The following NEGR1 variants were observed in gnomAD, a reference collection of about 807,000 sequenced individuals.
NEGR1 encodes the protein neuronal growth regulator 1.
In NEGR1, 10 loss-of-function variants were observed where a neutral mutation model predicts 40.9. The observed-to-expected ratio is 0.24, with a 90% CI of 0.15 to 0.42. The LOEUF is 0.42. Ranked by LOEUF, NEGR1 falls within the 10% of genes least tolerant of loss-of-function variation. NEGR1 has a pLI of 1.00. For missense variants in NEGR1, 352 were observed against 438.9 expected, an observed-to-expected ratio of 0.80 and a Z score of 1.77; for synonymous variants, 185 against 166.8, an observed-to-expected ratio of 1.11 and a Z score of -0.84.
intron 1 of NEGR1, among the ~76,000 whole-genome samples, chr1:72,108,235 A>AT (rs1366622369): frequency 6.6e-6 from 1 of 151,624 alleles, no homozygotes; most frequent in African/African-American, 2.4e-5. Context: ...AGATTTTCTG[A>AT]TTTTTACCAC....
intron 2 of NEGR1, among the ~76,000 whole-genome samples, chr1:71,870,138 C>T (rs2101832157): frequency 6.6e-6 from 1 of 152,102 alleles, no homozygotes; most frequent in South Asian, 2.1e-4. Context: ...CCTCGGTCTC[C>T]CAAAGTGCTA....
chr1:72,201,397 CAG>C (rs564107395), intron 1 of NEGR1, among the ~76,000 whole-genome samples: 30 of 151,440 alleles, frequency 2.0e-4, no homozygotes, highest in Middle Eastern at 3.4e-3. Flanking sequence ...TTATTTGTCT[CAG>C]AGTTTCTGAG....
intron 1 of NEGR1, among the ~76,000 whole-genome samples, chr1:72,050,075 G>A (rs1267585953): frequency 4.6e-5 from 7 of 151,442 alleles, no homozygotes; most frequent in Non-Finnish European, 8.9e-5. Context: ...GTTTGATTCT[G>A]TTAAAGTCCA....
intron 1 of NEGR1, among the ~76,000 whole-genome samples, chr1:71,937,635 A>G (rs1043330648): frequency 3.9e-5 from 6 of 152,222 alleles, no homozygotes; most frequent in African/African-American, 1.4e-4. Context: ...CTCTTTCCAC[A>G]TTCAACATCC....
intron 6 of NEGR1, among the ~76,000 whole-genome samples, chr1:71,474,291 G>A (rs910803809): frequency 1.3e-5 from 2 of 151,274 alleles, no homozygotes; most frequent in Non-Finnish European, 2.9e-5. Flanking sequence ...ATGTGTGTGT[G>A]TGTGTGTGTG....
At chr1:71,450,623 A>T (rs1178583398) in intron 6 of NEGR1, among the ~76,000 whole-genome samples, 1 of 151,718 alleles carries the variant, frequency 6.6e-6, no homozygotes, top group Non-Finnish European at 1.5e-5. Context: ...CCTGGCCAAC[A>T]GGGTGAAATC....
At chr1:71,919,472 C>G (rs1365286943) in intron 2 of NEGR1, among the ~76,000 whole-genome samples, 1 of 149,160 alleles carries the variant, frequency 6.7e-6, no homozygotes, top group Non-Finnish European at 1.5e-5. Flanking sequence ...TCTTTTTTGT[C>G]TTTCTAATAC....
At chr1:71,988,103 G>A (rs1001449510) in intron 1 of NEGR1, among the ~76,000 whole-genome samples, 1 of 152,202 alleles carries the variant, frequency 6.6e-6, no homozygotes, top group Admixed American at 6.5e-5. Flanking sequence ...TTAACAGCAA[G>A]AAGAGGTCAC....
chr1:71,930,107 G>A (rs376817258), intron 2 of NEGR1, among the ~76,000 whole-genome samples: 3 of 152,034 alleles, frequency 2.0e-5, no homozygotes, highest in African/African-American at 7.2e-5. Context: ...TAATCAAAAA[G>A]CTATCTCCCT....
chr1:71,681,914 C>T lies in NEGR1; in HGVS notation c.667+16094G>A, dbSNP rs188237305. Among the ~76,000 whole-genome samples the T allele has an allele frequency of 2.6e-3, 395 of 152,256 alleles. 3 individuals are homozygous for T. Among genetic ancestry groups the T allele is most frequent in the Non-Finnish European group, 3.8e-3 (258 of 68,010 alleles). On this transcript the variant is annotated intron_variant, in intron 4 of 6. Transcript: ENST00000357731. ...TGATCTCAGCTCACTGCAACTTTCA[C>T]CTCCAGGGTTCAAGCGATTCTCATG...
intron 1 of NEGR1, among the ~76,000 whole-genome samples, chr1:72,050,151 T>C: frequency 6.6e-6 from 1 of 151,758 alleles, no homozygotes; most frequent in East Asian, 1.9e-4. Flanking sequence ...AAAATCATAA[T>C]TTAAAAATTA....
chr1:71,554,213 TG>T (rs1342844174), intron 6 of NEGR1, among the ~76,000 whole-genome samples: 1 of 151,614 alleles, frequency 6.6e-6, no homozygotes, highest in East Asian at 1.9e-4. Context: ...GAACATTGAT[TG>T]TTTTTCTATT....
intron 1 of NEGR1, among the ~76,000 whole-genome samples, chr1:72,206,986 G>A (rs192066239): frequency 1.3e-5 from 2 of 150,648 alleles, no homozygotes; most frequent in Non-Finnish European, 1.5e-5. Context: ...CTTTTTGAAA[G>A]TATAAATATT....
intron 1 of NEGR1, among the ~76,000 whole-genome samples, chr1:71,996,980 T>C (rs1646510121): frequency 6.6e-6 from 1 of 151,986 alleles, no homozygotes; most frequent in Non-Finnish European, 1.5e-5. Context: ...CTACTATAAT[T>C]CACTAAGAGA....
At chr1:72,204,854 G>A (rs768675063) in intron 1 of NEGR1, among the ~76,000 whole-genome samples, 17 of 152,046 alleles carry the variant, frequency 1.1e-4, no homozygotes, top group South Asian at 2.1e-4. Context: ...ATTCTGAATC[G>A]TAAGCAACAC....
intron 2 of NEGR1, among the ~76,000 whole-genome samples, chr1:71,841,311 G>A (rs1659230040): frequency 6.6e-6 from 1 of 151,994 alleles, no homozygotes; most frequent in Non-Finnish European, 1.5e-5. Context: ...AGGTCTCCTA[G>A]GCATGGGAAA....
chr1:71,597,472 C>CTCTCTCTCTCTCTCTG (rs756076229), intron 5 of NEGR1, among the ~76,000 whole-genome samples: 11 of 31,334 alleles, frequency 3.5e-4, no homozygotes, highest in Admixed American at 2.3e-3. Flanking sequence ...CTCTCTCTCT[C>CTCTCTCTCTCTCTCTG]TGTGTGTGTG....
At chr1:71,617,592 G>A (rs890448598) in intron 4 of NEGR1, among the ~76,000 whole-genome samples, 10 of 152,158 alleles carry the variant, frequency 6.6e-5, no homozygotes, top group Non-Finnish European at 1.2e-4. Context: ...CAGCTTTCTG[G>A]TTTCACTATT....
chr1:71,878,665 GCA>G (rs140702042), intron 2 of NEGR1, among the ~76,000 whole-genome samples: 13,587 of 152,142 alleles, frequency 0.089, 717 homozygotes, highest in Non-Finnish European at 0.12. Context: ...TGAAATAGTT[GCA>G]GTTACCATGA....
Sources: allele counts gnomAD v4.1 joint callset (sites outside exome capture counted in the v4.1 genomes callset), GRCh38; gene constraint gnomAD v4.1.1; transcripts MANE v1.5; gene names NCBI Gene and HGNC (gene_info 2026-07-23, HGNC 2026-07-21).